PHTF2: variants seen among roughly 807,000 people sequenced by gnomAD.
PHTF2 encodes protein PHTF2.
In PHTF2, 60 loss-of-function variants were observed where a neutral mutation model predicts 101.2. The ratio of observed to expected loss-of-function variants is 0.59; its 90% CI spans 0.48 to 0.73. The LOEUF (loss-of-function observed/expected upper bound fraction) is 0.73, where lower values mean the gene tolerates loss of function less well. Ranked by LOEUF, PHTF2 falls within the 30% of genes least tolerant of loss-of-function variation. The pLI, the probability that PHTF2 is intolerant of heterozygous loss-of-function variation, is 0.00. For missense variants in PHTF2, 747 were observed against 908.7 expected (o/e 0.82, Z 2.29); for synonymous variants, 311 against 307.3 (o/e 1.01, Z -0.13).
intron 1 of PHTF2, among the ~76,000 whole-genome samples, chr7:77,833,489 C>T (rs1795218488): frequency 6.6e-6 from 1 of 152,098 alleles, no homozygotes; most frequent in Admixed American, 6.5e-5. Flanking sequence ...GGGCCAAGCG[C>T]AGTGGCTCAC....
intron 3 of PHTF2, among the ~76,000 whole-genome samples, chr7:77,885,085 T>A (rs934413290): frequency 2.2e-4 from 34 of 151,600 alleles, no homozygotes; most frequent in Non-Finnish European, 4.0e-4. Context: ...TTTTTTAAAA[T>A]TTTTTTTTGT....
At position 77,940,307 on chromosome 7, in the gene PHTF2, G is replaced by GT; in HGVS notation, c.1740+6dup. ...GCAGAAAGAACTTATAAACAGGTGG[G>GT]TATAATGTAGACTTCCGAATAAGAA... On this transcript the variant is annotated splice_donor_region_variant and intron_variant, in intron 14 of 19. Transcript: ENST00000416283. The GT allele has an allele frequency of 6.3e-7, 1 of 1,589,296 alleles. No individual in the cohort carries two copies. Among genetic ancestry groups the GT allele is most frequent in the Non-Finnish European group, 8.5e-7 (1 of 1,169,634 alleles).
At chr7:77,954,344 G>A (rs1806797063) in intron 19 of PHTF2, among the ~76,000 whole-genome samples, 1 of 152,080 alleles carries the variant, frequency 6.6e-6, no homozygotes, top group Non-Finnish European at 1.5e-5. Flanking sequence ...ATGTTAGCCA[G>A]GCTGGTCTCG....
intron 2 of PHTF2, among the ~76,000 whole-genome samples, chr7:77,851,199 T>C (rs1203344818): frequency 6.6e-6 from 1 of 152,222 alleles, no homozygotes. Flanking sequence ...GTTCTTTAAA[T>C]GTTTGGTAAA....
intron 1 of PHTF2, among the ~76,000 whole-genome samples, chr7:77,839,274 G>T (rs1795694869): frequency 6.6e-6 from 1 of 152,172 alleles, no homozygotes; most frequent in Non-Finnish European, 1.5e-5. Context: ...CACTAGACCA[G>T]AGGTAACCTC....
intron 5 of PHTF2, among the ~76,000 whole-genome samples, chr7:77,899,345 G>A (rs1323806338): frequency 6.6e-6 from 1 of 151,828 alleles, no homozygotes; most frequent in Non-Finnish European, 1.5e-5. Flanking sequence ...ATGCACGTTG[G>A]GTGACTCAAT....
At chr7:77,902,254 C>T (rs549575175) in intron 7 of PHTF2, among the ~76,000 whole-genome samples, 2 of 152,218 alleles carry the variant, frequency 1.3e-5, no homozygotes, top group South Asian at 4.1e-4. Flanking sequence ...GTTTATTATT[C>T]CTGCCATAGG....
intron 1 of PHTF2, among the ~76,000 whole-genome samples, chr7:77,828,222 A>C (rs1466347401): frequency 6.6e-6 from 1 of 152,202 alleles, no homozygotes; most frequent in Non-Finnish European, 1.5e-5. Context: ...ATTTAAATGG[A>C]TCATATTTCA....
At chr7:77,929,450 T>C in intron 12 of PHTF2, 123 bp downstream of exon 11, 2 of 600,084 alleles carry the variant, frequency 3.3e-6, no homozygotes, top group Non-Finnish European at 5.9e-6. Flanking sequence ...TTTTTTTTCT[T>C]TTTATGTGAG....
chr7:77,848,978 T>C (rs1286711110), intron 2 of PHTF2, among the ~76,000 whole-genome samples: 1 of 152,192 alleles, frequency 6.6e-6, no homozygotes, highest in Non-Finnish European at 1.5e-5. Context: ...CACCATTTGT[T>C]GAAGAGAACA....
At chr7:77,860,720 C>CT (rs1238617375) in intron 3 of PHTF2, among the ~76,000 whole-genome samples, 4 of 151,198 alleles carry the variant, frequency 2.6e-5, no homozygotes, top group South Asian at 2.1e-4. Context: ...GTTAATTGCT[C>CT]TTTTTTTTTG....
intron 9 of PHTF2, among the ~76,000 whole-genome samples, chr7:77,917,193 C>T (rs1336368997): frequency 1.3e-5 from 2 of 151,870 alleles, no homozygotes; most frequent in Non-Finnish European, 2.9e-5. Context: ...GCCATGGAAC[C>T]CCTTTGAGCA....
At chr7:77,930,099 G>T (rs764925679) in intron 12 of PHTF2, among the ~76,000 whole-genome samples, 1 of 151,632 alleles carries the variant, frequency 6.6e-6, no homozygotes, top group Non-Finnish European at 1.5e-5. Context: ...GATTACAGGC[G>T]CCCGCCACCA....
intron 7 of PHTF2, chr7:77,906,526 A>C (rs534089276): frequency 6.6e-6 from 1 of 152,358 alleles, no homozygotes; most frequent in Admixed American, 6.5e-5. Context: ...TAAGATATAC[A>C]GAAAATATAA....
At chr7:77,818,208 G>T (rs564765784) in intron 1 of PHTF2, among the ~76,000 whole-genome samples, 1 of 151,248 alleles carries the variant, frequency 6.6e-6, no homozygotes, top group East Asian at 1.9e-4. Context: ...CTAGTCTATA[G>T]GTTATCTTTT....
rs76511045 is a variant in PHTF2, at chr7:77,888,985, A to G, written c.148-4623A>G. 4.1e-3 allele frequency among the ~76,000 whole-genome samples: 631 copies of G among 152,328 alleles called. 6 individuals carry two copies. Among genetic ancestry groups the G allele is most frequent in the African/African-American group, 0.014 (602 of 41,572 alleles). On this transcript the variant is annotated intron_variant, in intron 3 of 19. Transcript: ENST00000416283. ...GAAATATCTGTTAGGGGTAAAATATAAATGTTGGAAATGGTTTGGGTATAT... is the reference window on the plus strand; with the variant it reads ...GAAATATCTGTTAGGGGTAAAATATGAATGTTGGAAATGGTTTGGGTATAT...
At chr7:77,847,171 C>G (rs1324498077) in intron 2 of PHTF2, among the ~76,000 whole-genome samples, 1 of 152,076 alleles carries the variant, frequency 6.6e-6, no homozygotes, top group African/African-American at 2.4e-5. Context: ...TGAAAGCATC[C>G]TAAGTGATAC....
intron 3 of PHTF2, among the ~76,000 whole-genome samples, chr7:77,884,854 G>A (rs772784584): frequency 1.3e-5 from 2 of 152,160 alleles, no homozygotes; most frequent in East Asian, 1.9e-4. Flanking sequence ...AGCCAAGATC[G>A]TGCCACTGCA....
intron 15 of PHTF2, among the ~76,000 whole-genome samples, chr7:77,941,647 T>C (rs530838133): frequency 7.1e-4 from 108 of 152,286 alleles, no homozygotes; most frequent in African/African-American, 2.5e-3. Flanking sequence ...TTATCACCAA[T>C]TCCTATCTTT....
Sources: gnomAD v4.1 joint callset for allele counts (sites outside exome capture counted in the v4.1 genomes callset) on GRCh38, gnomAD v4.1.1 for gene constraint, MANE v1.5 for transcripts, NCBI Gene and HGNC (gene_info 2026-07-23, HGNC 2026-07-21) for gene names.